CPVL: variants seen among roughly 807,000 people sequenced by gnomAD.
CPVL encodes the protein carboxypeptidase vitellogenic like, also known as probable serine carboxypeptidase CPVL.
Under a neutral mutation model 63.7 loss-of-function variants are expected in CPVL, and 51 were observed. The ratio of observed to expected loss-of-function variants is 0.80; its 90% CI spans 0.64 to 1.01. The LOEUF is 1.01. Ranked by LOEUF, CPVL falls within the 50% of genes least tolerant of loss-of-function variation. The pLI is 0.00. For missense variants in CPVL, 530 were observed against 573.1 expected, an observed-to-expected ratio of 0.92 and a Z score of 0.77; for synonymous variants, 195 against 206.0, an observed-to-expected ratio of 0.95 and a Z score of 0.46.
rs541070392 is a variant in CPVL at position 29,122,832 on chromosome 7, T to C, written c.-10-1761A>G. 7.1e-4 allele frequency among the ~76,000 whole-genome samples: 108 copies of C among 152,308 alleles called. 1 individual carries two copies. The South Asian group carries it at 0.021, about 29-fold the overall frequency. On this transcript the variant is annotated intron_variant, in intron 1 of 12. Coordinates refer to ENST00000265394, the MANE Select transcript of CPVL (RefSeq NM_031311.5). ...TTTTTTAACTATTACATTAACATATTACTAGTCTTGAATTTTTTTTGACAC... is the reference window on the plus strand; with the variant it reads ...TTTTTTAACTATTACATTAACATATCACTAGTCTTGAATTTTTTTTGACAC...
upstream of CPVL, among the ~76,000 whole-genome samples, chr7:29,149,904 C>T (rs1438513291): frequency 6.6e-6 from 1 of 152,198 alleles, no homozygotes; most frequent in Non-Finnish European, 1.5e-5. Context: ...AGGGTCCACT[C>T]TAATGACCTC....
intron 1 of CPVL, among the ~76,000 whole-genome samples, chr7:29,187,778 C>G (rs540407542): frequency 6.6e-6 from 1 of 152,022 alleles, no homozygotes; most frequent in South Asian, 2.1e-4. Context: ...TTGTCAACAT[C>G]CACTCTCTCC....
rs759525082 is a variant in CPVL at position 29,030,727 on chromosome 7, G to C, written c.1170C>G (p.Ile390Met). 2 of 1,612,026 alleles carry C rather than the reference G, an allele frequency of 1.2e-6. No homozygotes were observed. Among genetic ancestry groups the C allele is most frequent in the Non-Finnish European group, 1.7e-6 (2 of 1,179,218 alleles). Residue 390 changes from isoleucine (I) to methionine (M), a missense_variant, in exon 12 of 13, where the codon ATC (isoleucine) becomes ATG (methionine). By Grantham distance (10) the Ile-to-Met change is conservative (BLOSUM62 1). Transcript: ENST00000265394. The stretch of plus-strand genomic sequence containing the variant: ...AGCGCTCTGTCAGGGCAGCTGCCAC[G>C]ATGATGTCCAGTTGGCCATTGTAGA... ...VLIYNGQLDI[I>M]VAAALTERSL...
intron 12 of CPVL, among the ~76,000 whole-genome samples, chr7:29,019,061 A>G (rs922509494): frequency 6.6e-6 from 1 of 151,788 alleles, no homozygotes; most frequent in African/African-American, 2.4e-5. Flanking sequence ...ATATATATAT[A>G]TATATATTTA....
chr7:29,116,983 C>T (rs1788836141), intron 2 of CPVL, among the ~76,000 whole-genome samples: 1 of 152,132 alleles, frequency 6.6e-6, no homozygotes, highest in Admixed American at 6.5e-5. Context: ...GGGGAGTGAG[C>T]TGACCATCTG....
At chr7:29,084,062 A>C (rs904915172) in intron 7 of CPVL, among the ~76,000 whole-genome samples, 7 of 152,208 alleles carry the variant, frequency 4.6e-5, no homozygotes, top group East Asian at 1.9e-4. Context: ...TGAATTCCTA[A>C]TATTTGTCCA....
At chr7:29,158,277 C>G (rs540731689) in intron 5 of CPVL, among the ~76,000 whole-genome samples, 1 of 152,176 alleles carries the variant, frequency 6.6e-6, no homozygotes, top group African/African-American at 2.4e-5. Context: ...TTATAGCACA[C>G]ACATATTTTC....
intron 12 of CPVL, among the ~76,000 whole-genome samples, chr7:29,002,574 C>A (rs1397380777): frequency 6.6e-6 from 1 of 151,990 alleles, no homozygotes; most frequent in East Asian, 1.9e-4. Flanking sequence ...ACAGAGACCA[C>A]AAATGATCCA....
chr7:29,032,910 C>A (rs986231400), intron 11 of CPVL, among the ~76,000 whole-genome samples: 2 of 152,152 alleles, frequency 1.3e-5, no homozygotes, highest in African/African-American at 2.4e-5. Flanking sequence ...ACATGTTGAA[C>A]TGACATGGAA....
At chr7:29,178,997 C>T (rs924523476) in intron 5 of CPVL, among the ~76,000 whole-genome samples, 1 of 152,172 alleles carries the variant, frequency 6.6e-6, no homozygotes, top group African/African-American at 2.4e-5. Context: ...ATTTGCACCT[C>T]CTCAGTTATG....
At chr7:29,142,884 G>C (rs1295085992) in intron 1 of CPVL, among the ~76,000 whole-genome samples, 1 of 152,046 alleles carries the variant, frequency 6.6e-6, no homozygotes, top group East Asian at 1.9e-4. Flanking sequence ...TCTAAAACCA[G>C]AAGTCCTCAA....
At chr7:29,109,053 T>C (rs1158753830) in intron 3 of CPVL, among the ~76,000 whole-genome samples, 3 of 152,202 alleles carry the variant, frequency 2.0e-5, no homozygotes, top group East Asian at 1.9e-4. Flanking sequence ...TCCTTCCTCA[T>C]GGGGTTCAGG....
chr7:29,188,916 C>A (rs1242315792), intron 1 of CPVL, among the ~76,000 whole-genome samples: 2 of 151,584 alleles, frequency 1.3e-5, no homozygotes. Context: ...TTTGTAGGAT[C>A]CCCCACAGCA....
intron 11 of CPVL, among the ~76,000 whole-genome samples, chr7:29,052,001 T>C (rs139150741): frequency 0.05 from 7,510 of 151,644 alleles, 216 homozygotes; most frequent in Middle Eastern, 0.07. Context: ...TAACGGCATT[T>C]GCAGTGACCT....
intron 11 of CPVL, among the ~76,000 whole-genome samples, chr7:29,034,195 G>C (rs1788297916): frequency 6.6e-6 from 1 of 152,068 alleles, no homozygotes; most frequent in African/African-American, 2.4e-5. Flanking sequence ...ACCTCCAACT[G>C]CTGGACTCAA....
intron 5 of CPVL, among the ~76,000 whole-genome samples, chr7:29,174,274 G>A (rs190198867): frequency 5.9e-5 from 9 of 152,206 alleles, no homozygotes; most frequent in Non-Finnish European, 1.2e-4. Flanking sequence ...TGCCTCTGGA[G>A]GGGGGCCAGC....
At chr7:29,038,794 C>CT (rs1788790866) in intron 11 of CPVL, among the ~76,000 whole-genome samples, 2 of 152,342 alleles carry the variant, frequency 1.3e-5, no homozygotes, top group African/African-American at 4.8e-5. Flanking sequence ...ATTTCACTTC[C>CT]TTCCTGGATT....
At chr7:29,063,984 A>C in intron 11 of CPVL, 77 bp downstream of exon 11, 1 of 917,166 alleles carries the variant, frequency 1.1e-6, no homozygotes, top group Non-Finnish European at 1.6e-6. Flanking sequence ...AAAAAAAGGC[A>C]GGACTCAAAT....
At chr7:29,017,062 C>T (rs1423653329) in intron 12 of CPVL, among the ~76,000 whole-genome samples, 1 of 152,128 alleles carries the variant, frequency 6.6e-6, no homozygotes, top group Non-Finnish European at 1.5e-5. Context: ...AACAATGGAA[C>T]ACACACTCCT....
Sources: allele counts gnomAD v4.1 joint callset (sites outside exome capture counted in the v4.1 genomes callset), GRCh38; gene constraint gnomAD v4.1.1; transcripts MANE v1.5; gene names NCBI Gene and HGNC (gene_info 2026-07-23, HGNC 2026-07-21).